SH3RF3: variants seen among roughly 807,000 people sequenced by gnomAD.
The protein encoded by SH3RF3 is SH3 domain containing ring finger 3.
In SH3RF3, 29 loss-of-function variants were observed where a neutral mutation model predicts 66.3. The ratio of observed to expected loss-of-function variants is 0.44; its 90% confidence interval spans 0.33 to 0.60. The LOEUF (loss-of-function observed/expected upper bound fraction) is 0.60, where lower values mean the gene tolerates loss of function less well. SH3RF3 is among the 20% of genes least tolerant of loss of function. The probability of loss-of-function intolerance (pLI) is 0.04; values close to 1 mark genes in which losing one functional copy is unlikely to be tolerated. For synonymous variants in SH3RF3, 583 were observed against 532.0 expected (o/e 1.10, Z -1.32); for missense variants, 1,194 against 1,190.9 (o/e 1.00, Z -0.04).
chr2:109,231,959 A>G (rs1679523856), intron 1 of SH3RF3, among the ~76,000 whole-genome samples: 1 of 152,250 alleles, frequency 6.6e-6, no homozygotes, highest in African/African-American at 2.4e-5. Flanking sequence ...CCATCACCAC[A>G]ATACATTGTA....
intron 8 of SH3RF3, among the ~76,000 whole-genome samples, chr2:109,489,842 A>G (rs1679084066): frequency 6.6e-6 from 1 of 152,024 alleles, no homozygotes; most frequent in Non-Finnish European, 1.5e-5. Flanking sequence ...GGTTCAAGCT[A>G]TTCTCCCACC....
chr2:109,482,545 G>A (rs901932039), intron 8 of SH3RF3, among the ~76,000 whole-genome samples: 3 of 152,120 alleles, frequency 2.0e-5, no homozygotes, highest in Non-Finnish European at 4.4e-5. Context: ...GAACTTGGCC[G>A]GTCATCCAAA....
At chr2:109,272,375 G>A (rs893220816) in intron 1 of SH3RF3, among the ~76,000 whole-genome samples, 12 of 152,354 alleles carry the variant, frequency 7.9e-5, no homozygotes, top group Non-Finnish European at 1.5e-4. Context: ...TGGTGCAGAA[G>A]CAGGACTGTG....
At chr2:109,244,105 T>A (rs1368821831) in intron 1 of SH3RF3, among the ~76,000 whole-genome samples, 1 of 152,212 alleles carries the variant, frequency 6.6e-6, no homozygotes, top group African/African-American at 2.4e-5. Flanking sequence ...ATAGAAAGAA[T>A]AGTTTTCCTT....
chr2:109,197,903 C>A (rs73952874), intron 1 of SH3RF3, among the ~76,000 whole-genome samples: 69 of 152,344 alleles, frequency 4.5e-4, no homozygotes, highest in African/African-American at 1.6e-3. Flanking sequence ...TGCATCAAAT[C>A]CCACAGAGTA....
chr2:109,162,880 A>AG (rs1677522144), intron 1 of SH3RF3, among the ~76,000 whole-genome samples: 1 of 5,792 alleles, frequency 1.7e-4, no homozygotes. Context: ...GATGATTACC[A>AG]AAAAAACCAC....
At position 109,170,294 on chromosome 2, in the gene SH3RF3, CT is replaced by C. The variant is rs1251886684; in HGVS notation, c.573+40183del. Among the ~76,000 whole-genome samples the C allele has an allele frequency of 4.6e-4, 60 of 129,134 alleles. 1 individual carries two copies. The highest frequency in any genetic ancestry group is 4.5e-3 in the East Asian group (17 of 3,808). The allele number at this position is 129,134 out of a possible 152,430, so 84.7% of individuals were successfully genotyped here. On this transcript the variant is annotated intron_variant, in intron 1 of 9. Transcript: ENST00000309415. Reference sequence around the variant, plus strand: ...CTTCTCTTCTCTTCTCTTCTCTTCTCTTCTCTTCTCTTCTCTTCTCTCCTCT... The same window carrying C: ...CTTCTCTTCTCTTCTCTTCTCTTCTCTCTCTTCTCTTCTCTTCTCTCCTCT...
At chr2:109,335,434 G>C (rs1258909602) in intron 1 of SH3RF3, among the ~76,000 whole-genome samples, 1 of 151,996 alleles carries the variant, frequency 6.6e-6, no homozygotes, top group Non-Finnish European at 1.5e-5. Context: ...TCTTCCACAC[G>C]CCACCTCCTC....
At chr2:109,431,373 T>A (rs1291556721) in intron 5 of SH3RF3, among the ~76,000 whole-genome samples, 5 of 152,212 alleles carry the variant, frequency 3.3e-5, no homozygotes, top group Non-Finnish European at 5.9e-5. Context: ...TAAAATAATC[T>A]GGTATGTTCT....
At chr2:109,193,098 T>G (rs540517048) in intron 1 of SH3RF3, among the ~76,000 whole-genome samples, 2 of 152,338 alleles carry the variant, frequency 1.3e-5, no homozygotes, top group East Asian at 3.9e-4. Flanking sequence ...AAGTTAAAAT[T>G]ATGAAGGAAC....
chr2:109,316,293 G>A (rs1681879369), intron 1 of SH3RF3, among the ~76,000 whole-genome samples: 1 of 152,142 alleles, frequency 6.6e-6, no homozygotes, highest in South Asian at 2.1e-4. Context: ...CAGGAGGCTG[G>A]GTGGATGCTG....
chr2:109,144,943 C>T (rs1677057285), intron 1 of SH3RF3, among the ~76,000 whole-genome samples: 2 of 152,306 alleles, frequency 1.3e-5, no homozygotes, highest in South Asian at 2.1e-4. Context: ...GGGGTGAGCG[C>T]GTTCAGTGCC....
intron 8 of SH3RF3, among the ~76,000 whole-genome samples, chr2:109,456,941 C>T (rs2104667181): frequency 6.6e-6 from 1 of 152,326 alleles, no homozygotes; most frequent in South Asian, 2.1e-4. Flanking sequence ...ACAGTCATCT[C>T]AACAGCGAGT....
chr2:109,219,851 C>CA (rs1679190871), intron 1 of SH3RF3, among the ~76,000 whole-genome samples: 1 of 152,176 alleles, frequency 6.6e-6, no homozygotes, highest in Non-Finnish European at 1.5e-5. Context: ...CACTACTACT[C>CA]AAAGTGATCT....
chr2:109,234,872 G>T (rs1679608002), intron 1 of SH3RF3, among the ~76,000 whole-genome samples: 1 of 152,208 alleles, frequency 6.6e-6, no homozygotes, highest in Non-Finnish European at 1.5e-5. Context: ...TGCCACCTCA[G>T]ATTCTAAAGG....
chr2:109,223,569 G>A (rs560249828), intron 1 of SH3RF3, among the ~76,000 whole-genome samples: 13 of 151,962 alleles, frequency 8.6e-5, no homozygotes, highest in African/African-American at 2.2e-4. Flanking sequence ...CTTCAGCTGC[G>A]GGCTCCATTC....
rs57191473 is a variant in SH3RF3, at chr2:109,204,248, C to T, written c.573+74135C>T. Reference sequence around the variant, plus strand: ...TGTCTTGGGTGAACCATGAAACTTACTTTGCTTATGCCCTGTTGCTTCATT... The same window carrying T: ...TGTCTTGGGTGAACCATGAAACTTATTTTGCTTATGCCCTGTTGCTTCATT... On this transcript the variant is annotated intron_variant, in intron 1 of 9. Transcript: ENST00000309415. Among the ~76,000 whole-genome samples, 1,350 of 152,302 alleles carry T rather than the reference C, an allele frequency of 8.9e-3. 19 individuals are homozygous for T. The highest frequency in any genetic ancestry group is 0.031 in the African/African-American group (1,290 of 41,564).
chr2:109,130,179 G>C, intron 1 of SH3RF3, 66 bp downstream of exon 1: 3 of 1,238,006 alleles, frequency 2.4e-6, no homozygotes, highest in Non-Finnish European at 2.0e-6. Flanking sequence ...GCTTGGGCGT[G>C]GGGGGCAGTG....
In SH3RF3 at chr2:109,129,350, GGTCCCCGCCACGCAGGC is replaced by G; in HGVS notation, c.-190_-174del. On this transcript the variant is annotated 5_prime_UTR_variant, in exon 1 of 10. Transcript: ENST00000309415. ...CTGGCCGGTCCCCGCCACGCAGGCC[GGTCCCCGCCACGCAGGC>G]CGGTCGGTGAGCCACTTCGCACCGC... 1.2e-6 allele frequency: 1 copy of G among 851,268 alleles called. No homozygotes were observed. The highest frequency in any genetic ancestry group is 3.3e-4 in the Middle Eastern group (1 of 2,990). 52.7% of individuals were successfully genotyped at this position (851,268 alleles called of 1,614,324 possible).
Sources: allele counts gnomAD v4.1 joint callset (sites outside exome capture counted in the v4.1 genomes callset), GRCh38; gene constraint gnomAD v4.1.1; transcripts MANE v1.5; gene names NCBI Gene and HGNC (gene_info 2026-07-23, HGNC 2026-07-21).